PTPRK: variants seen among roughly 807,000 people sequenced by gnomAD.
The protein encoded by PTPRK is receptor-type tyrosine-protein phosphatase kappa.
In PTPRK, 75 loss-of-function variants were observed where a neutral mutation model predicts 178.0. The observed-to-expected ratio is 0.42, with a 90% confidence interval of 0.35 to 0.51. PTPRK has a LOEUF of 0.51. Among genes scored for constraint, PTPRK ranks in the 20% least tolerant of loss-of-function variants. PTPRK has a pLI of 0.02. For synonymous variants in PTPRK, 637 were observed against 620.6 expected, an observed-to-expected ratio of 1.03 and a Z score of -0.39; for missense variants, 1,441 against 1,797.8, an observed-to-expected ratio of 0.80 and a Z score of 3.59.
chr6:128,362,468 T>C (rs1429521379), intron 2 of PTPRK, among the ~76,000 whole-genome samples: 2 of 152,162 alleles, frequency 1.3e-5, no homozygotes, highest in Non-Finnish European at 2.9e-5. Flanking sequence ...AAACCTATGA[T>C]GGGCACACAG....
intron 1 of PTPRK, among the ~76,000 whole-genome samples, chr6:128,479,457 T>C (rs1228250763): frequency 2.0e-5 from 3 of 152,104 alleles, no homozygotes; most frequent in African/African-American, 7.2e-5. Flanking sequence ...TGTAACAAAA[T>C]CCATCTTAAT....
intron 27 of PTPRK, among the ~76,000 whole-genome samples, chr6:127,974,949 A>G (rs1774355320): frequency 1.3e-5 from 2 of 152,292 alleles, no homozygotes; most frequent in Admixed American, 1.3e-4. Flanking sequence ...ATATGAGTAA[A>G]TCATATCAGA....
intron 6 of PTPRK, among the ~76,000 whole-genome samples, chr6:128,205,155 T>A (rs1806693611): frequency 6.6e-6 from 1 of 152,038 alleles, no homozygotes. Flanking sequence ...AGCAAACTAA[T>A]GCAAGAACAG....
chr6:127,979,447 G>C (rs181017234), intron 25 of PTPRK, among the ~76,000 whole-genome samples: 160 of 152,266 alleles, frequency 1.1e-3, no homozygotes, highest in African/African-American at 3.6e-3. Context: ...ATGCAGAAAT[G>C]AAAAAGTATT....
chr6:128,349,716 T>C lies in PTPRK; in HGVS notation c.224-27406A>G, dbSNP rs374717015. ...CATGAAAAATTTTGATGAAAAGAAGTGCTGTTGAAAGGGTATAGGCGTTAT... is the reference window on the plus strand; with the variant it reads ...CATGAAAAATTTTGATGAAAAGAAGCGCTGTTGAAAGGGTATAGGCGTTAT... On this transcript the variant is annotated intron_variant, in intron 2 of 29. Coordinates refer to ENST00000368226, the MANE Select transcript of PTPRK (RefSeq NM_002844.4). 1.6e-4 allele frequency among the ~76,000 whole-genome samples: 25 copies of C among 152,162 alleles called. 1 individual carries two copies. Among genetic ancestry groups the C allele is most frequent in the Admixed American group, 1.0e-3 (16 of 15,276 alleles).
intron 3 of PTPRK, among the ~76,000 whole-genome samples, chr6:128,270,275 C>A (rs979082659): frequency 5.5e-4 from 84 of 152,054 alleles, no homozygotes; most frequent in African/African-American, 1.9e-3. Flanking sequence ...AGATTATATT[C>A]TAAGTCCTCT....
At chr6:128,161,773 C>A (rs1798743800) in intron 7 of PTPRK, among the ~76,000 whole-genome samples, 1 of 151,484 alleles carries the variant, frequency 6.6e-6, no homozygotes, top group South Asian at 2.1e-4. Flanking sequence ...TATATTTGTT[C>A]TCTTTTCTAA....
intron 2 of PTPRK, among the ~76,000 whole-genome samples, chr6:128,329,746 G>A (rs1289533269): frequency 6.6e-6 from 1 of 150,994 alleles, no homozygotes; most frequent in Non-Finnish European, 1.5e-5. Flanking sequence ...TTTACTCAGT[G>A]TACCATTTCA....
chr6:128,101,088 G>A (rs1439017177), intron 7 of PTPRK, among the ~76,000 whole-genome samples: 1 of 152,016 alleles, frequency 6.6e-6, no homozygotes, highest in Non-Finnish European at 1.5e-5. Flanking sequence ...GTATTATGTA[G>A]AAGGTTCTAA....
At chr6:128,243,656 C>T (rs1464847906) in intron 3 of PTPRK, among the ~76,000 whole-genome samples, 3 of 151,416 alleles carry the variant, frequency 2.0e-5, no homozygotes, top group East Asian at 1.9e-4. Flanking sequence ...ATGACACCAC[C>T]GCACTCCAGC....
intron 1 of PTPRK, among the ~76,000 whole-genome samples, chr6:128,471,418 A>T (rs1299742593): frequency 6.6e-6 from 1 of 151,926 alleles, no homozygotes; most frequent in Non-Finnish European, 1.5e-5. Flanking sequence ...AGATGAGAAG[A>T]AAAGGCTCAG....
intron 11 of PTPRK, among the ~76,000 whole-genome samples, chr6:128,073,710 T>C (rs2114966896): frequency 6.6e-6 from 1 of 152,136 alleles, no homozygotes; most frequent in Non-Finnish European, 1.5e-5. Context: ...AAGAAGGGCA[T>C]ACTTCCTCCT....
At chr6:128,433,112 G>A (rs1375225183) in intron 1 of PTPRK, among the ~76,000 whole-genome samples, 1 of 152,070 alleles carries the variant, frequency 6.6e-6, no homozygotes, top group Non-Finnish European at 1.5e-5. Context: ...TCATTTATTT[G>A]TGCTACGAAG....
Position 128,329,282 on chromosome 6 carries a change from T to G in PTPRK, c.224-6972A>C, listed in dbSNP as rs1362723857. 5.9e-5 allele frequency among the ~76,000 whole-genome samples: 9 copies of G among 152,166 alleles called. No homozygotes were observed. The South Asian group carries it at 1.7e-3, about 28-fold the overall frequency. On this transcript the variant is annotated intron_variant, in intron 2 of 29. Transcript: ENST00000368226. ...AAAACAAAATCCTTCACCAGAGTGT[T>G]GGATGTCTGAAGAATGAAGATGAAA...
intron 21 of PTPRK, 74 bp downstream of exon 21, chr6:127,990,695 A>C (rs1776507261): frequency 2.1e-6 from 2 of 951,272 alleles, no homozygotes; most frequent in Non-Finnish European, 3.3e-6. Context: ...TCATCAAAAC[A>C]GAACTTGGCA....
intron 13 of PTPRK, among the ~76,000 whole-genome samples, chr6:128,023,835 CTTTTTT>C (rs79086877): frequency 0.081 from 11,396 of 141,248 alleles, 1,203 homozygotes; most frequent in African/African-American, 0.25. Flanking sequence ...TTCTTTCTTT[CTTTTTT>C]TTTTTTTTGG....
chr6:128,054,083 C>A (rs924631478), intron 13 of PTPRK, among the ~76,000 whole-genome samples: 1 of 152,178 alleles, frequency 6.6e-6, no homozygotes, highest in African/African-American at 2.4e-5. Context: ...CTTTACAATG[C>A]AGTTTGAATT....
chr6:128,053,759 C>T (rs1779445938), intron 13 of PTPRK, among the ~76,000 whole-genome samples: 1 of 152,188 alleles, frequency 6.6e-6, no homozygotes, highest in Admixed American at 6.5e-5. Context: ...AGACTGCCTC[C>T]TCCATCCGAC....
At chr6:128,061,654 T>C (rs1780844008) in intron 13 of PTPRK, among the ~76,000 whole-genome samples, 1 of 152,034 alleles carries the variant, frequency 6.6e-6, no homozygotes, top group Non-Finnish European at 1.5e-5. Flanking sequence ...ACCCTTTTCA[T>C]TCAGCCCAGG....
Sources: allele counts gnomAD v4.1 joint callset (sites outside exome capture counted in the v4.1 genomes callset), GRCh38; gene constraint gnomAD v4.1.1; transcripts MANE v1.5; gene names NCBI Gene and HGNC (gene_info 2026-07-23, HGNC 2026-07-21).